The following TLN1 variants were observed in gnomAD, a reference collection of about 807,000 sequenced individuals.
TLN1 encodes talin 1.
Under a neutral mutation model 292.3 loss-of-function variants are expected in TLN1, and 56 were observed. The ratio of observed to expected loss-of-function variants is 0.19; its 90% confidence interval spans 0.15 to 0.24. TLN1 has a LOEUF of 0.24. Ranked by LOEUF, TLN1 falls within the 10% of genes least tolerant of loss-of-function variation. The pLI is 1.00. For missense variants in TLN1, 2,433 were observed against 3,248.2 expected (o/e 0.75, Z 6.10); for synonymous variants, 1,119 against 1,253.7 (o/e 0.89, Z 2.27).
chr9:35,700,265 A>C lies in TLN1; in HGVS notation c.6586T>G (p.Cys2196Gly), dbSNP rs1285073586. The C allele has an allele frequency of 6.2e-7, 1 of 1,613,592 alleles. No individual in the cohort carries two copies. Among genetic ancestry groups the C allele is most frequent in the Non-Finnish European group, 8.5e-7 (1 of 1,179,538 alleles). The change falls in exon 49 of 57, where the codon TGT becomes GGT. Residue 2196 changes from cysteine to glycine, a missense_variant. By Grantham distance (159) the Cys-to-Gly change is radical. This residue lies in a region of TLN1 where 1,384 missense variants were observed against 1,699.6 expected (regional missense o/e 0.81). Coordinates refer to ENST00000314888, the MANE Select transcript of TLN1 (RefSeq NM_006289.4). ...GTGGCAATGACATCTTCCTGGCGACAGGAATTGCCAGCAGCAACGGCCTTG... is the reference window on the plus strand; with the variant it reads ...GTGGCAATGACATCTTCCTGGCGACCGGAATTGCCAGCAGCAACGGCCTTG... ...TAKAVAAGNS[C>G]RQEDVIATAN...
At chr9:35,702,715 A>T (rs895784609) in intron 48 of TLN1, among the ~76,000 whole-genome samples, 8 of 151,404 alleles carry the variant, frequency 5.3e-5, no homozygotes, top group Non-Finnish European at 1.2e-4. Context: ...CTGGTCTCGA[A>T]CTCCCGACCT....
chr9:35,699,959 A>G lies in TLN1; in HGVS notation c.6768+15T>C, dbSNP rs749073228. ...AGGGAGGCTGGTATGAGGAACAAGC[A>G]ACGCCCTCCCTTACCAGCAGTACAT... is the stretch of plus-strand genomic sequence containing the variant. On this transcript the variant is annotated intron_variant, in intron 50 of 56. Transcript: ENST00000314888. This position sits in a 1 kb window ranked among gnomAD's most constrained non-coding sequence, Gnocchi z 4.0. 6.3e-7 allele frequency: 1 copy of G among 1,599,748 alleles called. No homozygotes were observed.
In TLN1 at chr9:35,699,802, A is replaced by T; in HGVS notation, c.6768+172T>A. On this transcript the variant is annotated intron_variant, in intron 50 of 56. Coordinates refer to ENST00000314888, the MANE Select transcript of TLN1 (RefSeq NM_006289.4). This position sits in a 1 kb window ranked among gnomAD's most constrained non-coding sequence, Gnocchi z 4.0. ...GACTGGGAGAACCAAAGATGATAAG[A>T]AGGATGGGGCCTGGGAGAAAGGGAG... 2 of 716,466 alleles carry T rather than the reference A, an allele frequency of 2.8e-6. No individual in the cohort carries two copies. The highest frequency in any genetic ancestry group is 3.4e-6 in the Non-Finnish European group (2 of 584,930). 44.4% of individuals were successfully genotyped at this position (716,466 alleles called of 1,614,324 possible).
rs767633292 is a variant in TLN1, at chr9:35,699,425, A to G, written c.6805T>C (p.Leu2269=). 2 of 1,613,994 alleles carry G rather than the reference A, an allele frequency of 1.2e-6. No individual in the cohort carries two copies. The highest frequency in any genetic ancestry group is 1.3e-5 in the African/African-American group (1 of 75,042). ...QKPSPELKQQ[L]TGHSKRVAGS... is the part of the protein sequence containing the mutation. Reference sequence around the variant, plus strand: ...GCCACACGCTTTGAATGTCCTGTCAACTGCTGCTTCAGTTCTGGGCTTGGC... The same window carrying G: ...GCCACACGCTTTGAATGTCCTGTCAGCTGCTGCTTCAGTTCTGGGCTTGGC... Residue 2269 remains leucine, a synonymous_variant, in exon 51 of 57, where the codon TTG becomes CTG. Transcript: ENST00000314888. The surrounding 1 kb of genome is among the most constrained non-coding windows in gnomAD (Gnocchi z 4.0).
Position 35,710,616 on chromosome 9 carries a change from T to C in TLN1, c.4271A>G (p.Asp1424Gly). The stretch of plus-strand genomic sequence containing the variant: ...TGCCTTTGAGGCTGTGGAAATGGCA[T>C]CTCCAAACTCTGGCAGGTTTCCGTT... ...AKNGNLPEFG[D>G]AISTASKALC... The change falls in exon 33 of 57, where the codon GAT (aspartate) becomes GGT (glycine). Residue 1424 changes from aspartate to glycine, a missense_variant. Coordinates refer to ENST00000314888, the MANE Select transcript of TLN1 (RefSeq NM_006289.4). The C allele has an allele frequency of 1.2e-6, 2 of 1,614,136 alleles. No homozygotes were observed. Among genetic ancestry groups the C allele is most frequent in the Non-Finnish European group, 1.7e-6 (2 of 1,180,036 alleles).
rs1459827294 is a variant in TLN1, at chr9:35,707,831, A to C, written c.4532T>G (p.Leu1511Arg). 6.2e-6 allele frequency: 10 copies of C among 1,614,090 alleles called. No individual in the cohort carries two copies. The highest frequency in any genetic ancestry group is 1.7e-5 in the Admixed American group (1 of 60,010). The change falls in exon 35 of 57, where the codon CTG (leucine) becomes CGG (arginine). Residue 1511 changes from leucine to arginine, a missense_variant. Physicochemically the swap from Leu to Arg is moderately radical, Grantham distance 102. This residue lies in a region of TLN1 where 1,384 missense variants were observed against 1,699.6 expected (regional missense o/e 0.81). Transcript: ENST00000314888. This position sits in a 1 kb window ranked among gnomAD's most constrained non-coding sequence, Gnocchi z 5.6. ...HTSALCNSCR[L>R]ASARTTNPTA... ...AGGATTGGTGGTACGGGCAGAAGCCAGGCGACAGCTGTTACACAGTGCAGA... is the reference window on the plus strand; with the variant it reads ...AGGATTGGTGGTACGGGCAGAAGCCCGGCGACAGCTGTTACACAGTGCAGA...
chr9:35,721,994 G>A, intron 9 of TLN1, 125 bp downstream of exon 9: 2 of 1,156,980 alleles, frequency 1.7e-6, no homozygotes, highest in East Asian at 4.7e-5. Flanking sequence ...GTCAGAGCAA[G>A]GAAGAGAATG....
In TLN1 at chr9:35,698,510, A is replaced by G. The variant is rs763126231; in HGVS notation, c.7189-5T>C. 12 of 1,613,532 alleles carry G rather than the reference A, an allele frequency of 7.4e-6. No individual in the cohort carries two copies. The highest frequency in any genetic ancestry group is 9.3e-6 in the Non-Finnish European group (11 of 1,179,680). ...GGCCGCAGCCACCATCCGGGCCTAA[A>G]GCAGGGAGAGTTTGCTTAAAAATAT... On this transcript the variant is annotated splice_polypyrimidine_tract_variant and splice_region_variant and intron_variant, in intron 54 of 56. Coordinates refer to ENST00000314888, the MANE Select transcript of TLN1 (RefSeq NM_006289.4). The surrounding 1 kb of genome is among the most constrained non-coding windows in gnomAD (Gnocchi z 5.3).
chr9:35,699,489 G>C lies in TLN1; in HGVS notation c.6769-28C>G, dbSNP rs1433850460. On this transcript the variant is annotated intron_variant, in intron 50 of 56. Transcript: ENST00000314888. The surrounding 1 kb of genome is among the most constrained non-coding windows in gnomAD (Gnocchi z 4.0). ...GGGCAAGAAGCGGGCAGGGGACAAAGAGCATCACATCTTAGGGTCTACCCT... is the reference window on the plus strand; with the variant it reads ...GGGCAAGAAGCGGGCAGGGGACAAACAGCATCACATCTTAGGGTCTACCCT... The C allele has an allele frequency of 1.2e-6, 2 of 1,601,068 alleles. No homozygotes were observed. The highest frequency in any genetic ancestry group is 2.2e-5 in the East Asian group (1 of 44,858).
At chr9:35,725,035 GA>G in intron 3 of TLN1, 76 bp from the exon 4 acceptor site, 4 of 1,601,408 alleles carry the variant, frequency 2.5e-6, no homozygotes, top group Non-Finnish European at 3.4e-6. Context: ...AGCCCGAGGG[GA>G]GAGAGTGGAG....
At chr9:35,720,289 C>A (rs1209724023) in intron 12 of TLN1, 70 bp from the exon 13 acceptor site, 3 of 1,543,894 alleles carry the variant, frequency 1.9e-6, no homozygotes, top group East Asian at 2.3e-5. Flanking sequence ...GGTTACACTA[C>A]CTTTGCAGGT....
intron 3 of TLN1, 63 bp downstream of exon 3, chr9:35,725,161 G>C (rs767946753): frequency 6.3e-7 from 1 of 1,581,400 alleles, no homozygotes; most frequent in Non-Finnish European, 8.7e-7. Context: ...CTGAAAACAG[G>C]AGGTGGAACA....
intron 27 of TLN1, 45 bp from the exon 28 acceptor site, chr9:35,712,169 G>A (rs989657769): frequency 6.3e-7 from 1 of 1,588,576 alleles, no homozygotes; most frequent in South Asian, 1.1e-5. Flanking sequence ...AAAAGAATTT[G>A]AGAGATCGCC....
rs1374807837 is a variant in TLN1, at chr9:35,715,179, A to AT, written c.2633_2634insA (p.Ala879CysfsTer4). The AT allele has an allele frequency of 6.2e-7, 1 of 1,610,824 alleles. No homozygotes were observed. The highest frequency in any genetic ancestry group is 1.3e-5 in the African/African-American group (1 of 74,938). ...GCTGCTCCTCACTGTCAGGGTGGGC[A>AT]GCTGCTCCCTGAGGGAGAGGTGGAA... is the stretch of plus-strand genomic sequence containing the variant. On this transcript the variant is annotated frameshift_variant, in exon 21 of 57. Transcript: ENST00000314888. LOFTEE classifies it high-confidence loss of function.
Position 35,707,463 on chromosome 9 carries a change from T to A in TLN1, c.4658A>T (p.Glu1553Val). The A allele has an allele frequency of 6.2e-7, 1 of 1,614,114 alleles. No homozygotes were observed. Among genetic ancestry groups the A allele is most frequent in the Non-Finnish European group, 8.5e-7 (1 of 1,180,026 alleles). The part of the protein sequence containing the change: ...IKALDGAFTE[E>V]NRAQCRAATA... ...TGCTGCTCGGCACTGGGCACGGTTC[T>A]CCTCTGTGAAGGCCCCATCTAGCGC... The change falls in exon 36 of 57, where the codon GAG (glutamate) becomes GTG (valine). Residue 1553 changes from glutamate (E) to valine (V), a missense_variant. Glu to Val is a moderately radical substitution (Grantham distance 121). Transcript: ENST00000314888. The surrounding 1 kb of genome is among the most constrained non-coding windows in gnomAD (Gnocchi z 5.6).
At position 35,724,407 on chromosome 9, in the gene TLN1, C is replaced by A; in HGVS notation, c.512-73G>T. The A allele has an allele frequency of 6.3e-7, 1 of 1,593,996 alleles. No homozygotes were observed. Among genetic ancestry groups the A allele is most frequent in the Non-Finnish European group, 8.6e-7 (1 of 1,165,164 alleles). The stretch of plus-strand genomic sequence containing the variant: ...GCTGTCTGGTCTCTGTTTATTTCTG[C>A]ATTTCCTACCTCCCCTCACTTAAAT... On this transcript the variant is annotated intron_variant, in intron 5 of 56. Transcript: ENST00000314888. This position sits in a 1 kb window ranked among gnomAD's most constrained non-coding sequence, Gnocchi z 4.7.
chr9:35,698,062 C>A lies in TLN1; in HGVS notation c.7482G>T (p.Met2494Ile). Residue 2494 changes from methionine to isoleucine, a missense_variant, in exon 56 of 57, where the codon ATG becomes ATT. Coordinates refer to ENST00000314888, the MANE Select transcript of TLN1 (RefSeq NM_006289.4). This position sits in a 1 kb window ranked among gnomAD's most constrained non-coding sequence, Gnocchi z 5.3. Reference protein sequence around the residue: ...ENETVVVKEKMVGGIAQIIAA... With the variant: ...ENETVVVKEKIVGGIAQIIAA... ...AGCTCACCTGGGCAATGCCGCCAAC[C>A]ATCTTCTCTTTCACCACCACTGTCT... 1 of 1,614,176 alleles carries A rather than the reference C, an allele frequency of 6.2e-7. No individual in the cohort carries two copies. The highest frequency in any genetic ancestry group is 8.5e-7 in the Non-Finnish European group (1 of 1,180,046).
rs776847713 is a variant in TLN1 at position 35,719,309 on chromosome 9, A to G, written c.1688-27T>C. 5.4e-5 allele frequency: 86 copies of G among 1,602,928 alleles called. No individual in the cohort carries two copies. Among genetic ancestry groups the G allele is most frequent in the East Asian group, 1.1e-4 (5 of 44,486 alleles). Reference sequence around the variant, plus strand: ...TAAGGGGAAAAGGAGAAAGAGGAACATGAGAGACAGGGCAGGCCAGACGAA... The same window carrying G: ...TAAGGGGAAAAGGAGAAAGAGGAACGTGAGAGACAGGGCAGGCCAGACGAA... On this transcript the variant is annotated intron_variant, in intron 15 of 56. Coordinates refer to ENST00000314888, the MANE Select transcript of TLN1 (RefSeq NM_006289.4). This position sits in a 1 kb window ranked among gnomAD's most constrained non-coding sequence, Gnocchi z 4.6.
At chr9:35,711,931 C>A in intron 28 of TLN1, 74 bp downstream of exon 28, 1 of 1,595,878 alleles carries the variant, frequency 6.3e-7, no homozygotes, top group Non-Finnish European at 8.5e-7. Flanking sequence ...GGTCAAAGGA[C>A]AACCGAGAGG....
Sources: gnomAD v4.1 joint callset for allele counts (sites outside exome capture counted in the v4.1 genomes callset) on GRCh38, gnomAD v4.1.1 for gene constraint, gnomAD v4.1.1 regional missense constraint, Gnocchi (gnomAD v3.1) non-coding constraint, MANE v1.5 for transcripts, NCBI Gene and HGNC (gene_info 2026-07-23, HGNC 2026-07-21) for gene names.